The following TCF7L1 variants were observed in gnomAD, a reference collection of about 807,000 sequenced individuals.
The protein encoded by TCF7L1 is transcription factor 7 like 1.
A neutral mutation model predicts 63.7 loss-of-function variants in TCF7L1; 18 were observed. The observed-to-expected ratio is 0.28, with a 90% CI of 0.20 to 0.42. TCF7L1 has a LOEUF of 0.42. Ranked by LOEUF, TCF7L1 falls within the 10% of genes least tolerant of loss-of-function variation. The pLI, the probability that TCF7L1 is intolerant of heterozygous loss-of-function variation, is 1.00. For synonymous variants in TCF7L1, 355 were observed against 340.9 expected, an observed-to-expected ratio of 1.04 and a Z score of -0.46; for missense variants, 654 against 779.3, an observed-to-expected ratio of 0.84 and a Z score of 1.91.
intron 4 of TCF7L1, among the ~76,000 whole-genome samples, chr2:85,289,874 A>C (rs1681647810): frequency 6.6e-6 from 1 of 151,468 alleles, no homozygotes; most frequent in Non-Finnish European, 1.5e-5. Context: ...GGGTTTCATC[A>C]TGTTGGCTAG....
At chr2:85,152,904 A>T (rs991731519) in intron 3 of TCF7L1, among the ~76,000 whole-genome samples, 1 of 152,232 alleles carries the variant, frequency 6.6e-6, no homozygotes, top group Non-Finnish European at 1.5e-5. Flanking sequence ...ATTTCTACCA[A>T]CTGATACATT....
chr2:85,301,234 T>C (rs1476746296), intron 4 of TCF7L1, among the ~76,000 whole-genome samples: 1 of 152,232 alleles, frequency 6.6e-6, no homozygotes, highest in African/African-American at 2.4e-5. Context: ...AACATTCTTG[T>C]TTATTAGAGC....
At chr2:85,169,868 G>T (rs1226450497) in intron 3 of TCF7L1, among the ~76,000 whole-genome samples, 2 of 152,204 alleles carry the variant, frequency 1.3e-5, no homozygotes, top group Non-Finnish European at 2.9e-5. Context: ...AGCCTGGAAT[G>T]CAAGGGCCTG....
intron 5 of TCF7L1, 29 bp downstream of exon 5, chr2:85,302,645 G>A: frequency 1.2e-6 from 2 of 1,606,670 alleles, no homozygotes; most frequent in Non-Finnish European, 1.7e-6. Flanking sequence ...AGGCAGTGCT[G>A]CTGCAGGGCA....
intron 3 of TCF7L1, among the ~76,000 whole-genome samples, chr2:85,245,202 C>T (rs748286745): frequency 6.6e-6 from 1 of 152,158 alleles, no homozygotes; most frequent in Non-Finnish European, 1.5e-5. Flanking sequence ...AGACTTGGAA[C>T]CTAAGCTGGA....
chr2:85,270,354 G>A (rs567285167), intron 3 of TCF7L1, among the ~76,000 whole-genome samples: 3 of 152,242 alleles, frequency 2.0e-5, no homozygotes, highest in East Asian at 1.9e-4. Flanking sequence ...CACATTCTTG[G>A]TGAAGCCTTC....
intron 3 of TCF7L1, among the ~76,000 whole-genome samples, chr2:85,208,361 T>C (rs745508130): frequency 1.3e-5 from 2 of 152,176 alleles, no homozygotes; most frequent in Non-Finnish European, 2.9e-5. Context: ...TCAAGTCACC[T>C]TCTGGCAGGA....
intron 3 of TCF7L1, among the ~76,000 whole-genome samples, chr2:85,209,498 C>G (rs917290133): frequency 1.3e-5 from 2 of 152,182 alleles, no homozygotes; most frequent in African/African-American, 4.8e-5. Context: ...TGTTTGAAAC[C>G]TCAATGCCCT....
rs553643656 is a variant in TCF7L1 at position 85,294,633 on chromosome 2, G to A, written c.526-7851G>A. On this transcript the variant is annotated intron_variant, in intron 4 of 11. Transcript: ENST00000282111. The stretch of plus-strand genomic sequence containing the variant: ...ATTGATTGCTGAGCCAGTGCTGGAT[G>A]CTCTCTGAAAGAACATCAATAGCTC... Among the ~76,000 whole-genome samples the A allele has an allele frequency of 7.2e-5, 11 of 152,310 alleles. No individual in the cohort carries two copies. The South Asian group carries it at 1.9e-3, about 26-fold the overall frequency.
At chr2:85,229,323 G>A (rs1680023250) in intron 3 of TCF7L1, among the ~76,000 whole-genome samples, 1 of 152,238 alleles carries the variant, frequency 6.6e-6, no homozygotes, top group Non-Finnish European at 1.5e-5. Flanking sequence ...CTCCAGCTGG[G>A]AGACAGAGCG....
chr2:85,251,899 C>T (rs1384766080), intron 3 of TCF7L1, among the ~76,000 whole-genome samples: 1 of 152,130 alleles, frequency 6.6e-6, no homozygotes, highest in African/African-American at 2.4e-5. Context: ...CACAGCAAAA[C>T]CCCATCACTA....
At chr2:85,304,372 G>T in intron 7 of TCF7L1, 34 bp downstream of exon 7, 3 of 1,605,480 alleles carry the variant, frequency 1.9e-6, no homozygotes, top group African/African-American at 1.3e-5. Context: ...CCGCATGTTT[G>T]TCTTAGCAAC....
chr2:85,226,923 C>T (rs1346224257), intron 3 of TCF7L1, among the ~76,000 whole-genome samples: 2 of 150,410 alleles, frequency 1.3e-5, no homozygotes, highest in Non-Finnish European at 2.9e-5. Flanking sequence ...AACACAAGGT[C>T]TTGCTTCTAA....
intron 3 of TCF7L1, among the ~76,000 whole-genome samples, chr2:85,215,011 C>A (rs1269980284): frequency 6.6e-6 from 1 of 152,110 alleles, no homozygotes; most frequent in Non-Finnish European, 1.5e-5. Flanking sequence ...CAAGTCTCTT[C>A]CTAGTTTGAC....
At chr2:85,196,885 G>A (rs1056476885) in intron 3 of TCF7L1, among the ~76,000 whole-genome samples, 1 of 152,130 alleles carries the variant, frequency 6.6e-6, no homozygotes, top group East Asian at 1.9e-4. Context: ...TCCCCTGACT[G>A]CAGTGACTGC....
intron 3 of TCF7L1, among the ~76,000 whole-genome samples, chr2:85,136,973 G>A (rs1677609805): frequency 6.6e-6 from 1 of 152,154 alleles, no homozygotes; most frequent in Non-Finnish European, 1.5e-5. Context: ...ATAGATACGA[G>A]TGGGGAGGGA....
chr2:85,305,491 C>A lies in TCF7L1; in HGVS notation c.989+88C>A, dbSNP rs894675254. The A allele has an allele frequency of 8.2e-6, 12 of 1,460,270 alleles. No homozygotes were observed. In the East Asian group the frequency reaches 2.6e-4, roughly 32 times the overall value. 90.5% of individuals were successfully genotyped at this position (1,460,270 alleles called of 1,614,324 possible). On this transcript the variant is annotated intron_variant, in intron 8 of 11. Coordinates refer to ENST00000282111, the MANE Select transcript of TCF7L1 (RefSeq NM_031283.3). ...CTCTGAGCAGCAAATGTCATGTACT[C>A]TTCTCTCTTGGTGTCACTCAGCAGG...
intron 3 of TCF7L1, chr2:85,262,005 CCTT>C (rs1330817758): frequency 2.2e-5 from 11 of 509,208 alleles, no homozygotes; most frequent in African/African-American, 3.9e-5. Context: ...CAAACTGTAT[CCTT>C]CTCAACAATT....
intron 3 of TCF7L1, among the ~76,000 whole-genome samples, chr2:85,238,636 C>T (rs943181655): frequency 5.3e-5 from 8 of 151,956 alleles, no homozygotes; most frequent in Admixed American, 5.2e-4. Flanking sequence ...ATATCACATT[C>T]TGCTGGGGGG....
Sources: allele counts gnomAD v4.1 joint callset (sites outside exome capture counted in the v4.1 genomes callset), GRCh38; gene constraint gnomAD v4.1.1; transcripts MANE v1.5; gene names NCBI Gene and HGNC (gene_info 2026-07-23, HGNC 2026-07-21).